RANBP2: variants seen among roughly 807,000 people sequenced by gnomAD.
RANBP2 encodes the protein E3 SUMO-protein ligase RanBP2.
RANBP2 carries 57 observed loss-of-function variants against 303.6 expected under a neutral mutation model. That is an observed-to-expected ratio of 0.19 (90% CI 0.15 to 0.23). RANBP2 has a LOEUF of 0.23. Ranked by LOEUF, RANBP2 falls within the 10% of genes least tolerant of loss-of-function variation. The probability of loss-of-function intolerance (pLI) is 1.00; values close to 1 mark genes in which losing one functional copy is unlikely to be tolerated. For synonymous variants in RANBP2, 1,167 were observed against 1,301.5 expected, an observed-to-expected ratio of 0.90 and a Z score of 2.23; for missense variants, 3,138 against 3,780.8, an observed-to-expected ratio of 0.83 and a Z score of 4.46.
chr2:109,563,663 T>C, the RANBP2 span, among the ~76,000 whole-genome samples: 3 of 152,182 alleles, frequency 2.0e-5, no homozygotes, highest in African/African-American at 7.2e-5. Flanking sequence ...AGGGTTCAGA[T>C]TCTAAAATTC....
the RANBP2 span, among the ~76,000 whole-genome samples, chr2:109,460,852 C>T: frequency 6.6e-6 from 1 of 152,216 alleles, no homozygotes; most frequent in Non-Finnish European, 1.5e-5. Context: ...AGGTGCATTC[C>T]TCAAAGTTCT....
the RANBP2 span, among the ~76,000 whole-genome samples, chr2:108,880,191 T>TA: frequency 8.8e-5 from 13 of 148,032 alleles, no homozygotes; most frequent in African/African-American, 2.8e-4. Flanking sequence ...CAGGGTAACT[T>TA]AAAAAAAAAA....
chr2:109,673,800 C>G, the RANBP2 span, among the ~76,000 whole-genome samples: 1 of 152,304 alleles, frequency 6.6e-6, no homozygotes, highest in Middle Eastern at 3.4e-3. Flanking sequence ...TCCCAGATAG[C>G]TATACCCATT....
chr2:108,909,546 G>A, the RANBP2 span, among the ~76,000 whole-genome samples: 1 of 152,198 alleles, frequency 6.6e-6, no homozygotes, highest in Non-Finnish European at 1.5e-5. Flanking sequence ...TGCCCCATCT[G>A]CCAAGGGAGG....
At chr2:109,715,801 C>G in the RANBP2 span, among the ~76,000 whole-genome samples, 2 of 152,120 alleles carry the variant, frequency 1.3e-5, no homozygotes, top group Non-Finnish European at 2.9e-5. Context: ...CTGAGGCTAC[C>G]CAGGGGCCCC....
chr2:109,592,758 C>T, the RANBP2 span, among the ~76,000 whole-genome samples: 3 of 148,022 alleles, frequency 2.0e-5, no homozygotes, highest in Admixed American at 6.8e-5. Flanking sequence ...CCAGCCTGGG[C>T]GACAGAGCAA....
At chr2:109,136,515 G>T in the RANBP2 span, among the ~76,000 whole-genome samples, 1 of 152,188 alleles carries the variant, frequency 6.6e-6, no homozygotes, top group African/African-American at 2.4e-5. Flanking sequence ...GAATGAAAAA[G>T]TGTATAAAGT....
the RANBP2 span, among the ~76,000 whole-genome samples, chr2:109,635,558 C>G: frequency 6.6e-6 from 1 of 152,164 alleles, no homozygotes; most frequent in Non-Finnish European, 1.5e-5. Context: ...GGCAGATCCT[C>G]GCTGTGAGAG....
At chr2:108,776,950 T>G (rs1677931697) in intron 24 of RANBP2, among the ~76,000 whole-genome samples, 180 bp from the exon 25 acceptor site, 1 of 152,182 alleles carries the variant, frequency 6.6e-6, no homozygotes, top group African/African-American at 2.4e-5. Flanking sequence ...GAATAGCACC[T>G]GTAAAATTAG....
the RANBP2 span, among the ~76,000 whole-genome samples, chr2:109,411,842 A>AAT: frequency 6.6e-6 from 1 of 152,224 alleles, no homozygotes; most frequent in African/African-American, 2.4e-5. Flanking sequence ...AGCTCTAAGT[A>AAT]ATAGCTTACT....
the RANBP2 span, among the ~76,000 whole-genome samples, chr2:109,451,644 T>C: frequency 6.6e-6 from 1 of 152,258 alleles, no homozygotes; most frequent in African/African-American, 2.4e-5. Context: ...TGTTAGACAC[T>C]TTGTAAATAT....
At chr2:109,519,079 T>C in the RANBP2 span, among the ~76,000 whole-genome samples, 3 of 151,876 alleles carry the variant, frequency 2.0e-5, no homozygotes, top group African/African-American at 4.8e-5. Context: ...CCACCATGCC[T>C]GGCTAATTTT....
the RANBP2 span, among the ~76,000 whole-genome samples, chr2:109,201,927 G>C: frequency 6.6e-6 from 1 of 152,126 alleles, no homozygotes; most frequent in Admixed American, 6.5e-5. Flanking sequence ...AAGGACCCGT[G>C]GCATCATAAA....
chr2:109,687,479 A>C, the RANBP2 span, among the ~76,000 whole-genome samples: 1 of 152,154 alleles, frequency 6.6e-6, no homozygotes, highest in Non-Finnish European at 1.5e-5. Context: ...AATGGGCTCT[A>C]GAATGAATTC....
the RANBP2 span, among the ~76,000 whole-genome samples, chr2:109,115,719 C>G: frequency 5.3e-5 from 8 of 152,204 alleles, no homozygotes; most frequent in Admixed American, 2.6e-4. Flanking sequence ...CAGTTTCTTC[C>G]TAGCCTTGAT....
the RANBP2 span, among the ~76,000 whole-genome samples, chr2:109,598,276 T>A: frequency 6.6e-6 from 1 of 151,832 alleles, no homozygotes; most frequent in Non-Finnish European, 1.5e-5. Context: ...CCACGTTGGT[T>A]AGGCTAGTCT....
chr2:108,826,480 A>C, the RANBP2 span, among the ~76,000 whole-genome samples: 1 of 152,034 alleles, frequency 6.6e-6, no homozygotes, highest in Admixed American at 6.6e-5. Flanking sequence ...GTAGATACCC[A>C]TTTGTTTCAG....
the RANBP2 span, among the ~76,000 whole-genome samples, chr2:109,194,070 A>G: frequency 6.6e-6 from 1 of 152,224 alleles, no homozygotes; most frequent in African/African-American, 2.4e-5. Context: ...CCAAATCTCC[A>G]GGTCAGGATA....
At chr2:109,640,536 G>C in the RANBP2 span, among the ~76,000 whole-genome samples, 5 of 152,084 alleles carry the variant, frequency 3.3e-5, no homozygotes, top group Non-Finnish European at 7.4e-5. Context: ...CAATCACTTT[G>C]ACCAGTAAGC....
Sources: allele counts gnomAD v4.1 joint callset (sites outside exome capture counted in the v4.1 genomes callset), GRCh38; gene constraint gnomAD v4.1.1; transcripts MANE v1.5; gene names NCBI Gene and HGNC (gene_info 2026-07-23, HGNC 2026-07-21).